Variants in DLC1 observed in about 807,000 individuals in gnomAD.
DLC1 encodes rho GTPase-activating protein 7.
In DLC1, 54 loss-of-function variants were observed where a neutral mutation model predicts 140.3. That is an observed-to-expected ratio of 0.38 (90% confidence interval 0.31 to 0.48). DLC1 has a LOEUF of 0.48. Among genes scored for constraint, DLC1 ranks in the 20% least tolerant of loss-of-function variants. The pLI is 0.96. For missense variants in DLC1, 2,536 were observed against 1,907.0 expected (o/e 1.33, Z -6.14); for synonymous variants, 986 against 728.1 (o/e 1.35, Z -5.70).
chr8:13,537,678 G>T (rs1395885428), intron 1 of DLC1, among the ~76,000 whole-genome samples: 1 of 134,264 alleles, frequency 7.4e-6, no homozygotes, highest in East Asian at 2.1e-4. Context: ...TTTTGAGACG[G>T]AGTCTCTCTC....
At chr8:13,295,878 C>G (rs1774711856) in intron 5 of DLC1, among the ~76,000 whole-genome samples, 1 of 147,728 alleles carries the variant, frequency 6.8e-6, no homozygotes, top group African/African-American at 2.5e-5. Context: ...GCAAACTGTG[C>G]ACTGGAAACT....
intron 5 of DLC1, among the ~76,000 whole-genome samples, chr8:13,233,587 A>G (rs977121076): frequency 1.3e-5 from 2 of 152,182 alleles, no homozygotes; most frequent in Non-Finnish European, 2.9e-5. Context: ...TCTGCATAGG[A>G]TAAGAATGTA....
intron 2 of DLC1, among the ~76,000 whole-genome samples, chr8:13,407,865 G>T (rs1283308911): frequency 6.6e-6 from 1 of 152,092 alleles, no homozygotes; most frequent in Non-Finnish European, 1.5e-5. Flanking sequence ...TTGATCTTTG[G>T]CCAGCTGGAC....
chr8:13,563,068 G>A (rs919569168), intron 1 of DLC1, among the ~76,000 whole-genome samples: 1 of 152,090 alleles, frequency 6.6e-6, no homozygotes, highest in Non-Finnish European at 1.5e-5. Context: ...GAACGTAATG[G>A]CAAGAACAGA....
At chr8:13,474,904 G>C (rs1024568233) in intron 2 of DLC1, among the ~76,000 whole-genome samples, 1 of 152,174 alleles carries the variant, frequency 6.6e-6, no homozygotes, top group African/African-American at 2.4e-5. Flanking sequence ...TAGGCAGAAG[G>C]CACTTGCCTT....
At chr8:13,369,010 C>T (rs1835613923) in intron 4 of DLC1, among the ~76,000 whole-genome samples, 4 of 152,102 alleles carry the variant, frequency 2.6e-5, no homozygotes, top group Admixed American at 2.6e-4. Context: ...TTAGTAGAGA[C>T]AGGGTTTCAC....
intron 12 of DLC1, among the ~76,000 whole-genome samples, chr8:13,093,184 C>T (rs765895421): frequency 4.6e-5 from 7 of 152,014 alleles, no homozygotes; most frequent in Non-Finnish European, 1.0e-4. Context: ...ATCTCAATTA[C>T]TGAAAACACT....
chr8:13,278,649 T>C (rs1831258412), intron 5 of DLC1, among the ~76,000 whole-genome samples: 1 of 152,170 alleles, frequency 6.6e-6, no homozygotes, highest in African/African-American at 2.4e-5. Context: ...TCTAGATCTA[T>C]GATAAAGTTA....
At chr8:13,140,130 C>T (rs572910969) in intron 5 of DLC1, among the ~76,000 whole-genome samples, 1 of 152,266 alleles carries the variant, frequency 6.6e-6, no homozygotes, top group Non-Finnish European at 1.5e-5. Context: ...TAGGTATGTC[C>T]TATAGGCAGA....
At chr8:13,356,581 A>G (rs1369056311) in intron 4 of DLC1, among the ~76,000 whole-genome samples, 2 of 152,194 alleles carry the variant, frequency 1.3e-5, no homozygotes, top group Non-Finnish European at 2.9e-5. Flanking sequence ...ATTTTTCCAA[A>G]TGATTGCATA....
intron 5 of DLC1, among the ~76,000 whole-genome samples, chr8:13,118,037 T>C (rs1397549001): frequency 7.2e-6 from 1 of 138,052 alleles, no homozygotes; most frequent in East Asian, 2.1e-4. Flanking sequence ...TGAGACAGAG[T>C]CTTGCTCAGT....
intron 1 of DLC1, among the ~76,000 whole-genome samples, chr8:13,541,603 G>T (rs1803486037): frequency 6.6e-6 from 1 of 152,138 alleles, no homozygotes; most frequent in Non-Finnish European, 1.5e-5. Context: ...AGGCTGGTGT[G>T]CAGTGGCGCG....
At chr8:13,139,928 C>G (rs537825843) in intron 5 of DLC1, among the ~76,000 whole-genome samples, 305 of 152,292 alleles carry the variant, frequency 2.0e-3, no homozygotes, top group Non-Finnish European at 2.9e-3. Flanking sequence ...CCATTTTAAC[C>G]ATTTTTAAAT....
chr8:13,480,879 G>A (rs1274114879), intron 2 of DLC1, among the ~76,000 whole-genome samples: 2 of 152,090 alleles, frequency 1.3e-5, no homozygotes, highest in Non-Finnish European at 2.9e-5. Context: ...ACTGCAGCCT[G>A]GGCAACAGAG....
intron 4 of DLC1, among the ~76,000 whole-genome samples, chr8:13,343,081 C>T (rs1248543219): frequency 1.3e-5 from 2 of 152,110 alleles, no homozygotes; most frequent in East Asian, 3.9e-4. Flanking sequence ...TACTTATTTG[C>T]TATATACTGC....
intron 2 of DLC1, among the ~76,000 whole-genome samples, chr8:13,411,202 C>T (rs1383254827): frequency 3.3e-5 from 5 of 152,128 alleles, no homozygotes; most frequent in Non-Finnish European, 7.4e-5. Context: ...AACAGTGGTA[C>T]ATTTAGACAA....
At chr8:13,256,366 C>A (rs1009552650) in intron 5 of DLC1, among the ~76,000 whole-genome samples, 1 of 152,130 alleles carries the variant, frequency 6.6e-6, no homozygotes, top group Non-Finnish European at 1.5e-5. Flanking sequence ...CAATCCCATT[C>A]CTGGGTATAT....
At chr8:13,092,076 C>G (rs146023189) in intron 13 of DLC1, among the ~76,000 whole-genome samples, 2,044 of 152,210 alleles carry the variant, frequency 0.013, 39 homozygotes, top group African/African-American at 0.047. Context: ...GAAACCCCGT[C>G]TCTACTAAAA....
intron 5 of DLC1, among the ~76,000 whole-genome samples, chr8:13,193,057 C>T (rs1826853365): frequency 6.6e-6 from 1 of 152,178 alleles, no homozygotes; most frequent in Non-Finnish European, 1.5e-5. Flanking sequence ...CCCAAACCAT[C>T]CCCCTCCTCT....
Sources: gnomAD v4.1 joint callset for allele counts (sites outside exome capture counted in the v4.1 genomes callset) on GRCh38, gnomAD v4.1.1 for gene constraint, MANE v1.5 for transcripts, NCBI Gene and HGNC (gene_info 2026-07-23, HGNC 2026-07-21) for gene names.